The following NSMCE2 variants were observed in gnomAD, a reference collection of about 807,000 sequenced individuals.
The protein encoded by NSMCE2 is NSE2 SUMO ligase component of SMC5/6 complex, also known as E3 SUMO-protein ligase NSE2.
A neutral mutation model predicts 23.8 loss-of-function variants in NSMCE2; 24 were observed. The observed-to-expected ratio is 1.01, with a 90% CI of 0.73 to 1.42. NSMCE2 has a LOEUF of 1.42. Among genes scored for constraint, NSMCE2 ranks in the 40% most tolerant of loss-of-function variants. The probability of loss-of-function intolerance (pLI) is 0.00; values close to 1 mark genes in which losing one functional copy is unlikely to be tolerated. For synonymous variants in NSMCE2, 92 were observed against 94.1 expected, an observed-to-expected ratio of 0.98 and a Z score of 0.13; for missense variants, 284 against 296.5, an observed-to-expected ratio of 0.96 and a Z score of 0.31.
chr8:125,304,258 A>AAT (rs1248550670), intron 5 of NSMCE2, among the ~76,000 whole-genome samples: 5 of 152,214 alleles, frequency 3.3e-5, no homozygotes. Context: ...TTACATGAAT[A>AAT]ATATATATAA....
At chr8:125,261,703 G>A (rs948144585) in intron 5 of NSMCE2, among the ~76,000 whole-genome samples, 1 of 151,358 alleles carries the variant, frequency 6.6e-6, no homozygotes, top group Admixed American at 6.6e-5. Flanking sequence ...AATAGGTCAG[G>A]GAAAATATCC....
At chr8:125,279,036 G>A (rs531170174) in intron 5 of NSMCE2, among the ~76,000 whole-genome samples, 16 of 152,292 alleles carry the variant, frequency 1.1e-4, no homozygotes, top group African/African-American at 3.6e-4. Context: ...TAACCACCAC[G>A]AGGGGAAGTT....
intron 5 of NSMCE2, among the ~76,000 whole-genome samples, chr8:125,337,622 T>C (rs770899399): frequency 2.0e-5 from 3 of 151,936 alleles, no homozygotes; most frequent in Non-Finnish European, 4.4e-5. Context: ...TGGCCGGGCG[T>C]GGTGGCTCAA....
intron 5 of NSMCE2, among the ~76,000 whole-genome samples, chr8:125,280,147 A>AT (rs901597511): frequency 6.6e-6 from 1 of 152,186 alleles, no homozygotes; most frequent in African/African-American, 2.4e-5. Flanking sequence ...GGAAAAGATG[A>AT]TTTTTTAAAG....
At chr8:125,360,483 G>A (rs1363404038) in intron 7 of NSMCE2, among the ~76,000 whole-genome samples, 1 of 152,180 alleles carries the variant, frequency 6.6e-6, no homozygotes, top group Non-Finnish European at 1.5e-5. Flanking sequence ...TAGCACCCTG[G>A]TGCCAACCCT....
intron 4 of NSMCE2, among the ~76,000 whole-genome samples, chr8:125,153,056 C>CAAAA (rs768246218): frequency 0.01 from 484 of 47,378 alleles, 50 homozygotes; most frequent in Middle Eastern, 0.05. Context: ...GACTCCGTCT[C>CAAAA]AAAAAAAAAA....
At chr8:125,346,740 C>T (rs978670782) in intron 5 of NSMCE2, among the ~76,000 whole-genome samples, 1 of 152,104 alleles carries the variant, frequency 6.6e-6, no homozygotes, top group Non-Finnish European at 1.5e-5. Flanking sequence ...TATTGTATGA[C>T]CAAATCTTAA....
intron 5 of NSMCE2, among the ~76,000 whole-genome samples, chr8:125,345,623 G>T (rs1271597740): frequency 6.6e-6 from 1 of 152,196 alleles, no homozygotes; most frequent in African/African-American, 2.4e-5. Flanking sequence ...CTGGAGTCCT[G>T]AGGAGGACTC....
chr8:125,109,263 A>G (rs1372097031), intron 3 of NSMCE2, among the ~76,000 whole-genome samples: 1 of 152,190 alleles, frequency 6.6e-6, no homozygotes, highest in Non-Finnish European at 1.5e-5. Context: ...TCCTATTTAT[A>G]AAAGGCATTA....
At chr8:125,105,942 T>C (rs1234578453) in intron 3 of NSMCE2, among the ~76,000 whole-genome samples, 1 of 152,038 alleles carries the variant, frequency 6.6e-6, no homozygotes, top group Non-Finnish European at 1.5e-5. Context: ...GCAAGTTATA[T>C]GGGAAAAAAA....
intron 4 of NSMCE2, among the ~76,000 whole-genome samples, chr8:125,170,482 C>G (rs1360428302): frequency 2.8e-5 from 4 of 140,360 alleles, no homozygotes; most frequent in Non-Finnish European, 6.1e-5. Context: ...TCTCGGCTCA[C>G]TGCAAACTCC....
intron 5 of NSMCE2, among the ~76,000 whole-genome samples, chr8:125,203,648 C>T (rs1408159152): frequency 6.6e-6 from 1 of 151,878 alleles, no homozygotes; most frequent in Admixed American, 6.6e-5. Context: ...GTGAGTAGGC[C>T]CCTACTATAT....
At chr8:125,315,806 T>C (rs948084304) in intron 5 of NSMCE2, among the ~76,000 whole-genome samples, 1 of 114,524 alleles carries the variant, frequency 8.7e-6, no homozygotes, top group Non-Finnish European at 2.2e-5. Flanking sequence ...CCCTTTTTTT[T>C]CCCTCTCTTT....
chr8:125,209,893 TC>T (rs1378602621), intron 5 of NSMCE2, among the ~76,000 whole-genome samples: 1 of 152,228 alleles, frequency 6.6e-6, no homozygotes, highest in African/African-American at 2.4e-5. Context: ...AGAGAATATA[TC>T]ACAGAGTGAT....
chr8:125,245,749 T>C lies in NSMCE2; in HGVS notation c.418+63493T>C, dbSNP rs1221063886. Among the ~76,000 whole-genome samples, 6 of 152,160 alleles carry C rather than the reference T, an allele frequency of 3.9e-5. No homozygotes were observed. In the South Asian group the frequency reaches 1.0e-3, roughly 26 times the overall value. ...ACAAAATTAAGATCAAAAGAAAATA[T>C]GAAGGCCAGCTCTGTGGCTCACGCA... On this transcript the variant is annotated intron_variant, in intron 5 of 7. Coordinates refer to ENST00000287437, the MANE Select transcript of NSMCE2 (RefSeq NM_173685.4).
intron 5 of NSMCE2, among the ~76,000 whole-genome samples, chr8:125,273,568 G>A (rs1187568168): frequency 6.6e-6 from 1 of 152,118 alleles, no homozygotes; most frequent in Non-Finnish European, 1.5e-5. Context: ...CAAAGGAATT[G>A]GAAAATGTAT....
Position 125,259,890 on chromosome 8 carries a change from A to G in NSMCE2, c.418+77634A>G, listed in dbSNP as rs940300854. Among the ~76,000 whole-genome samples, 60 of 152,334 alleles carry G rather than the reference A, an allele frequency of 3.9e-4. 1 individual carries two copies. Among genetic ancestry groups the G allele is most frequent in the Middle Eastern group, 3.4e-3 (1 of 294 alleles). On this transcript the variant is annotated intron_variant, in intron 5 of 7. Coordinates refer to ENST00000287437, the MANE Select transcript of NSMCE2 (RefSeq NM_173685.4). ...ATAGAAATCAGATCTTCTGACTTCT[A>G]GCTCTTTTCAGCTATGCCACACTGC...
intron 3 of NSMCE2, among the ~76,000 whole-genome samples, chr8:125,124,659 G>C (rs115910649): frequency 0.023 from 3,550 of 151,634 alleles, 132 homozygotes; most frequent in African/African-American, 0.079. Flanking sequence ...TTTGTATTTT[G>C]TAGAGACAAG....
chr8:125,227,280 A>C (rs115032866), intron 5 of NSMCE2, among the ~76,000 whole-genome samples: 3,048 of 152,220 alleles, frequency 0.02, 67 homozygotes, highest in Admixed American at 0.052. Context: ...CGGTGTCTCC[A>C]TCAGTGGTAG....
Sources: allele counts gnomAD v4.1 joint callset (sites outside exome capture counted in the v4.1 genomes callset), GRCh38; gene constraint gnomAD v4.1.1; transcripts MANE v1.5; gene names NCBI Gene and HGNC (gene_info 2026-07-23, HGNC 2026-07-21).